Variants in PAK3 observed in about 807,000 individuals in gnomAD.
The protein encoded by PAK3 is serine/threonine-protein kinase PAK 3.
In PAK3, 4 loss-of-function variants were observed where a neutral mutation model predicts 41.0. The observed-to-expected ratio is 0.10, with a 90% CI of 0.05 to 0.22. The LOEUF (loss-of-function observed/expected upper bound fraction) is 0.22. Ranked by LOEUF, PAK3 falls within the 10% of genes least tolerant of loss-of-function variation. The pLI is 1.00. For synonymous variants in PAK3, 146 were observed against 139.6 expected, an observed-to-expected ratio of 1.05 and a Z score of -0.32; for missense variants, 205 against 409.9, an observed-to-expected ratio of 0.50 and a Z score of 4.32.
intron 11 of PAK3, among the ~76,000 whole-genome samples, chrX:111,177,145 A>G (rs1314768956): frequency 9.0e-6 from 1 of 111,164 alleles, no homozygotes; most frequent in Non-Finnish European, 1.9e-5. Context: ...TGCCTTACCT[A>G]TTATTACAGT....
intron 5 of PAK3, among the ~76,000 whole-genome samples, chrX:111,126,045 G>A (rs2093644187): frequency 9.0e-6 from 1 of 111,167 alleles, no homozygotes; most frequent in Non-Finnish European, 1.9e-5. Flanking sequence ...TTCAGGATTC[G>A]ACTTCACTGA....
At chrX:111,058,893 CA>C (rs2092629148) in intron 1 of PAK3, among the ~76,000 whole-genome samples, 1 of 111,367 alleles carries the variant, frequency 9.0e-6, no homozygotes. Context: ...CCAGTTGTCT[CA>C]GTACCATTTG....
intron 10 of PAK3, among the ~76,000 whole-genome samples, chrX:111,167,608 A>C (rs779988190): frequency 1.2e-3 from 128 of 110,387 alleles, no homozygotes; most frequent in African/African-American, 4.1e-3. Context: ...ATCTGTTGAA[A>C]AATACAGAAA....
At chrX:111,054,259 C>T (rs969926902) in intron 1 of PAK3, among the ~76,000 whole-genome samples, 23 of 112,426 alleles carry the variant, frequency 2.0e-4, no homozygotes, top group African/African-American at 7.4e-4. Flanking sequence ...AGAAAGGCAA[C>T]CATCTCCAGA....
At chrX:111,183,571 CT>C (rs1329140522) in intron 11 of PAK3, among the ~76,000 whole-genome samples, 3 of 111,364 alleles carry the variant, frequency 2.7e-5, no homozygotes, top group Admixed American at 1.9e-4. Flanking sequence ...CTTCACCCTT[CT>C]TTTCCTCTAA....
intron 1 of PAK3, among the ~76,000 whole-genome samples, chrX:111,043,067 A>G (rs969595271): frequency 6.3e-5 from 7 of 111,204 alleles, no homozygotes; most frequent in Non-Finnish European, 1.1e-4. Context: ...AGGAGGGAGA[A>G]TCACTTGAGC....
At chrX:110,949,278 C>G (rs1233500426) in intron 1 of PAK3, among the ~76,000 whole-genome samples, 1 of 111,397 alleles carries the variant, frequency 9.0e-6, no homozygotes, top group Non-Finnish European at 1.9e-5. Context: ...TTCTCTCTCT[C>G]CCTCCTCATT....
At chrX:111,032,151 G>A (rs951388132) in intron 1 of PAK3, among the ~76,000 whole-genome samples, 1 of 111,244 alleles carries the variant, frequency 9.0e-6, no homozygotes, top group African/African-American at 3.3e-5. Context: ...GGGGGCCATA[G>A]CACAAAAACG....
At chrX:111,205,305 G>A (rs772157304) in intron 16 of PAK3, among the ~76,000 whole-genome samples, 13 of 110,056 alleles carry the variant, frequency 1.2e-4, no homozygotes, top group Non-Finnish European at 2.3e-4. Flanking sequence ...TCTGTCTTGC[G>A]CCATCACATG....
At chrX:110,993,051 T>C (rs1249778563) in intron 1 of PAK3, among the ~76,000 whole-genome samples, 1 of 111,764 alleles carries the variant, frequency 8.9e-6, no homozygotes, top group Non-Finnish European at 1.9e-5. Flanking sequence ...TAAAATGTGA[T>C]GTCTAAAATT....
chrX:110,957,098 C>G (rs993465998), intron 1 of PAK3, among the ~76,000 whole-genome samples: 5 of 112,042 alleles, frequency 4.5e-5, no homozygotes, highest in Non-Finnish European at 9.4e-5. Context: ...TGGTTCAGAC[C>G]TTCATGATTT....
At chrX:110,962,638 G>A (rs1222411566) in intron 1 of PAK3, among the ~76,000 whole-genome samples, 2 of 112,401 alleles carry the variant, frequency 1.8e-5, no homozygotes, top group African/African-American at 3.2e-5. Flanking sequence ...GAGTGAAGTT[G>A]GGGGCAGCAG....
At position 111,227,263 on chromosome X, in the gene PAK3, G is replaced by A. The variant is rs1313472355; in HGVS notation, c.*6816G>A. On this transcript the variant is annotated 3_prime_UTR_variant, in exon 18 of 18. Coordinates refer to ENST00000372007, the MANE Select transcript of PAK3 (RefSeq NM_002578.5). ...ATTGTGGTTGAAGCAATAGAAAATT[G>A]AAATATGGATTGTGCATGACTGTGT... The A allele has an allele frequency of 8.9e-6, 1 of 112,232 alleles. No homozygotes were observed. Among genetic ancestry groups the A allele is most frequent in the Non-Finnish European group, 1.9e-5 (1 of 53,276 alleles). 9.2% of individuals were successfully genotyped at this position (112,232 alleles called of 1,213,427 possible).
chrX:111,200,066 T>C (rs1485972225), intron 16 of PAK3, among the ~76,000 whole-genome samples: 2 of 111,122 alleles, frequency 1.8e-5, no homozygotes, highest in Non-Finnish European at 3.8e-5. Flanking sequence ...GCTAGTATCA[T>C]AGGCATCTTG....
At chrX:111,161,113 C>G (rs2094180449) in intron 8 of PAK3, among the ~76,000 whole-genome samples, 1 of 111,618 alleles carries the variant, frequency 9.0e-6, no homozygotes, top group Non-Finnish European at 1.9e-5. Flanking sequence ...TTCTCCACAT[C>G]CTCTCCAGCA....
Position 110,947,494 on chromosome X carries a change from C to T in PAK3, c.-28+2866C>T, listed in dbSNP as rs144669180. ...ATGTAGGTTCTAAAGAAGACTAGTT[C>T]CATAGAATGTTAGTAGGGCACACCT... On this transcript the variant is annotated intron_variant, in intron 1 of 14. Transcript: ENST00000425146. Among the ~76,000 whole-genome samples, 39 of 111,382 alleles carry T rather than the reference C, an allele frequency of 3.5e-4. No homozygotes were observed. The East Asian group carries it at 0.011, about 32-fold the overall frequency.
chrX:110,985,842 G>A (rs751300390), intron 1 of PAK3, among the ~76,000 whole-genome samples: 10 of 111,890 alleles, frequency 8.9e-5, no homozygotes, highest in Non-Finnish European at 1.3e-4. Flanking sequence ...GCAGACACAG[G>A]CAGTTCGATT....
chrX:111,053,130 T>C (rs779035554), intron 1 of PAK3, among the ~76,000 whole-genome samples: 11 of 111,689 alleles, frequency 9.8e-5, no homozygotes, highest in Non-Finnish European at 1.9e-4. Context: ...CAGGCCTTCT[T>C]GTATTTTTTC....
intron 1 of PAK3, among the ~76,000 whole-genome samples, chrX:111,049,873 T>A (rs1229284692): frequency 9.0e-6 from 1 of 111,428 alleles, no homozygotes; most frequent in Non-Finnish European, 1.9e-5. Flanking sequence ...AGGTTTGGTA[T>A]AGAACATGCT....
Sources: gnomAD v4.1 joint callset for allele counts (sites outside exome capture counted in the v4.1 genomes callset) on GRCh38, gnomAD v4.1.1 for gene constraint, MANE v1.5 for transcripts, NCBI Gene and HGNC (gene_info 2026-07-23, HGNC 2026-07-21) for gene names.